The following PABPC4 variants were observed in gnomAD, a reference collection of about 807,000 sequenced individuals.
PABPC4 encodes the protein poly(A) binding protein cytoplasmic 4.
PABPC4 carries 15 observed loss-of-function variants against 74.5 expected under a neutral mutation model. The observed-to-expected ratio is 0.20, with a 90% CI of 0.13 to 0.31. The LOEUF (loss-of-function observed/expected upper bound fraction) is 0.31, where lower values mean the gene tolerates loss of function less well. Ranked by LOEUF, PABPC4 falls within the 10% of genes least tolerant of loss-of-function variation. The pLI, the probability that PABPC4 is intolerant of heterozygous loss-of-function variation, is 1.00. For missense variants in PABPC4, 610 were observed against 853.5 expected (o/e 0.71, Z 3.55); for synonymous variants, 345 against 303.0 (o/e 1.14, Z -1.44).
intron 6 of PABPC4, chr1:39,568,085 G>A (rs961876525): frequency 3.4e-5 from 11 of 320,032 alleles, no homozygotes; most frequent in East Asian, 7.6e-5. Context: ...GTGAAACCCC[G>A]TCTCTACTAA....
chr1:39,562,594 G>A (rs1645781566), intron 12 of PABPC4, 178 bp from the exon 13 acceptor site: 2 of 561,812 alleles, frequency 3.6e-6, no homozygotes, highest in Non-Finnish European at 6.3e-6. Flanking sequence ...TTGAGGAACA[G>A]AGTGGTATGG....
chr1:39,569,722 C>T, intron 4 of PABPC4, 33 bp from the exon 5 acceptor site: 1 of 1,589,292 alleles, frequency 6.3e-7, no homozygotes, highest in Non-Finnish European at 8.6e-7. Context: ...TTAGTAACAC[C>T]ATCTTGAGCA....
At chr1:39,567,002 C>T (rs1401085721) in intron 7 of PABPC4, among the ~76,000 whole-genome samples, 3 of 109,260 alleles carry the variant, frequency 2.7e-5, no homozygotes, top group Admixed American at 1.1e-4. Context: ...CTTCCCTTCT[C>T]ATCAACTAAA....
In PABPC4 at chr1:39,576,035, CG is replaced by C; in HGVS notation, c.-85del. On this transcript the variant is annotated 5_prime_UTR_variant, in exon 1 of 16. Coordinates refer to ENST00000372858, the MANE Select transcript of PABPC4 (RefSeq NM_001135653.2). Reference sequence around the variant, plus strand: ...AGGACAAAGGGGCGCCTTCGGAGCCCGGGCCCGCGCCGCGGCTCACAGGTGG... The same window carrying C: ...AGGACAAAGGGGCGCCTTCGGAGCCCGGCCCGCGCCGCGGCTCACAGGTGG... 1 of 852,888 alleles carries C rather than the reference CG, an allele frequency of 1.2e-6. No individual in the cohort carries two copies. The highest frequency in any genetic ancestry group is 1.7e-6 in the Non-Finnish European group (1 of 599,926). The allele number at this position is 852,888 out of a possible 1,614,324, so 52.8% of individuals were successfully genotyped here.
At chr1:39,571,200 T>C (rs373601880) in intron 3 of PABPC4, 34 bp downstream of exon 3, 64 of 1,613,178 alleles carry the variant, frequency 4.0e-5, no homozygotes, top group South Asian at 9.9e-5. Flanking sequence ...GGCTGGCTCA[T>C]GCGATGGTTG....
intron 1 of PABPC4, 55 bp downstream of exon 1, chr1:39,575,704 C>T: frequency 7.1e-7 from 1 of 1,403,364 alleles, no homozygotes; most frequent in South Asian, 1.5e-5. Flanking sequence ...TGCCAGAAGA[C>T]GACTCCCGGG....
chr1:39,571,697 A>G (rs113855271), intron 2 of PABPC4: 1 of 462,230 alleles, frequency 2.2e-6, no homozygotes. Flanking sequence ...GACAATGGAG[A>G]CCCTGTCTCT....
chr1:39,572,142 G>A (rs1293460104), intron 2 of PABPC4, among the ~76,000 whole-genome samples: 4 of 152,162 alleles, frequency 2.6e-5, no homozygotes, highest in Non-Finnish European at 5.9e-5. Flanking sequence ...AAAGAAAAAC[G>A]TGGGCTTTCC....
chr1:39,574,927 T>C (rs1042553291), intron 1 of PABPC4, among the ~76,000 whole-genome samples: 1 of 152,250 alleles, frequency 6.6e-6, no homozygotes, highest in Non-Finnish European at 1.5e-5. Flanking sequence ...AGCACTGTGC[T>C]GGGAGTCCTA....
intron 14 of PABPC4, 135 bp downstream of exon 14, chr1:39,561,938 C>T: frequency 8.6e-7 from 1 of 1,165,868 alleles, no homozygotes; most frequent in Non-Finnish European, 1.2e-6. Context: ...CTGCAGCCTC[C>T]AGTCACAGTC....
At chr1:39,575,190 G>A (rs1041084791) in intron 1 of PABPC4, among the ~76,000 whole-genome samples, 1 of 152,190 alleles carries the variant, frequency 6.6e-6, no homozygotes, top group South Asian at 2.1e-4. Context: ...GAGGTGGCCT[G>A]GCACACGCAG....
intron 2 of PABPC4, 157 bp from the exon 3 acceptor site, chr1:39,571,506 G>C (rs1175389126): frequency 7.1e-6 from 5 of 707,692 alleles, no homozygotes; most frequent in Non-Finnish European, 2.4e-6. Flanking sequence ...CACAGCACCA[G>C]GTGCCTAGTA....
intron 10 of PABPC4, 100 bp downstream of exon 10, chr1:39,564,323 C>T (rs1645803535): frequency 2.9e-6 from 4 of 1,387,198 alleles, no homozygotes; most frequent in African/African-American, 2.9e-5. Context: ...AACCAGGACT[C>T]GATAAATTCG....
intron 3 of PABPC4, 198 bp downstream of exon 3, chr1:39,571,036 G>C: frequency 1.4e-6 from 2 of 1,453,140 alleles, no homozygotes. Flanking sequence ...GCCATGGCTT[G>C]GGCAGGAAGC....
At chr1:39,567,898 T>C in intron 6 of PABPC4, 52 bp from the exon 7 acceptor site, 1 of 1,076,358 alleles carries the variant, frequency 9.3e-7, no homozygotes, top group Non-Finnish European at 1.4e-6. Flanking sequence ...AAATATTCCC[T>C]AAGAAAGTGG....
In PABPC4 at chr1:39,561,657, G is replaced by GA. The variant is rs746074095; in HGVS notation, c.*13+27dup. On this transcript the variant is annotated intron_variant, in intron 15 of 15. Transcript: ENST00000372858. ...ATGCTCATAGGAACAATGCTCATAG[G>GA]AACAAAAATGAAAATAGCCACACAT... The GA allele has an allele frequency of 1.2e-5, 18 of 1,492,904 alleles. 1 individual carries two copies. The South Asian group carries it at 2.0e-4, about 17-fold the overall frequency. 92.5% of individuals were successfully genotyped at this position (1,492,904 alleles called of 1,614,324 possible). A position where few individuals can be genotyped will look rare whatever the true frequency, so the allele number is the denominator to read the frequency against.
At chr1:39,563,500 T>G in intron 12 of PABPC4, 114 bp downstream of exon 12, 1 of 1,317,446 alleles carries the variant, frequency 7.6e-7, no homozygotes, top group Admixed American at 2.3e-5. Context: ...GAACATAGCG[T>G]CATAACACAG....
intron 1 of PABPC4, among the ~76,000 whole-genome samples, chr1:39,573,938 G>A (rs890444278): frequency 6.6e-6 from 1 of 152,158 alleles, no homozygotes; most frequent in African/African-American, 2.4e-5. Flanking sequence ...TTTTCCTTAA[G>A]GCTATGATGG....
At chr1:39,566,824 G>A (rs1263363345) in intron 7 of PABPC4, among the ~76,000 whole-genome samples, 3 of 150,232 alleles carry the variant, frequency 2.0e-5, no homozygotes, top group Non-Finnish European at 4.4e-5. Flanking sequence ...GGCCAGTCAA[G>A]GGGGGGGTCA....
Sources: allele counts gnomAD v4.1 joint callset (sites outside exome capture counted in the v4.1 genomes callset), GRCh38; gene constraint gnomAD v4.1.1; transcripts MANE v1.5; gene names NCBI Gene and HGNC (gene_info 2026-07-23, HGNC 2026-07-21).